The following SCFD2 variants were observed in gnomAD, a reference collection of about 807,000 sequenced individuals.
SCFD2 encodes the protein sec1 family domain containing 2.
A neutral mutation model predicts 58.9 loss-of-function variants in SCFD2; 54 were observed. That is an observed-to-expected ratio of 0.92 (90% CI 0.74 to 1.15). The LOEUF is 1.15. SCFD2 is among the 50% of genes most tolerant of loss of function. The pLI, the probability that SCFD2 is intolerant of heterozygous loss-of-function variation, is 0.00. For missense variants in SCFD2, 805 were observed against 836.6 expected, an observed-to-expected ratio of 0.96 and a Z score of 0.47; for synonymous variants, 321 against 335.9, an observed-to-expected ratio of 0.96 and a Z score of 0.49.
intron 4 of SCFD2, among the ~76,000 whole-genome samples, chr4:53,260,338 C>G (rs1388240787): frequency 6.6e-6 from 1 of 152,086 alleles, no homozygotes; most frequent in Admixed American, 6.6e-5. Context: ...CAACTTTTCC[C>G]CATTCAGTAT....
intron 2 of SCFD2, among the ~76,000 whole-genome samples, chr4:53,340,484 C>CA (rs1177301287): frequency 3.3e-5 from 5 of 152,192 alleles, no homozygotes. Context: ...GGGTGGAGCC[C>CA]ACCACAAATC....
chr4:53,147,995 A>T (rs537294176), intron 4 of SCFD2, among the ~76,000 whole-genome samples: 4 of 152,252 alleles, frequency 2.6e-5, no homozygotes, highest in Admixed American at 2.0e-4. Flanking sequence ...TGTTAAAGAA[A>T]GGTCATGAAG....
intron 4 of SCFD2, among the ~76,000 whole-genome samples, chr4:53,229,248 T>C (rs1166515691): frequency 6.6e-6 from 1 of 152,194 alleles, no homozygotes. Flanking sequence ...AATGACTTTC[T>C]ACACAGAATT....
chr4:53,105,941 A>G (rs537269743), intron 5 of SCFD2, among the ~76,000 whole-genome samples: 1 of 148,190 alleles, frequency 6.7e-6, no homozygotes, highest in African/African-American at 2.5e-5. Context: ...CTCACACAGG[A>G]GAGCTCTGGC....
chr4:52,874,832 G>A (rs1718434328), intron 8 of SCFD2, among the ~76,000 whole-genome samples: 1 of 152,172 alleles, frequency 6.6e-6, no homozygotes, highest in Admixed American at 6.6e-5. Context: ...CCTATTTCCA[G>A]TAAGGTCATA....
intron 4 of SCFD2, among the ~76,000 whole-genome samples, chr4:53,187,264 C>G (rs1013331267): frequency 3.9e-5 from 6 of 151,948 alleles, no homozygotes; most frequent in African/African-American, 1.4e-4. Context: ...ATTAAATCAG[C>G]AATATTGACA....
At chr4:53,021,685 T>A (rs1009769704) in intron 5 of SCFD2, among the ~76,000 whole-genome samples, 5 of 151,946 alleles carry the variant, frequency 3.3e-5, no homozygotes, top group African/African-American at 1.2e-4. Context: ...CTATCAGGAT[T>A]TGAAGATGTG....
chr4:52,992,038 C>A (rs374275287), intron 5 of SCFD2, among the ~76,000 whole-genome samples: 1 of 151,846 alleles, frequency 6.6e-6, no homozygotes, highest in Non-Finnish European at 1.5e-5. Context: ...TCCCTCTCCC[C>A]GCAGTCTCCC....
intron 5 of SCFD2, among the ~76,000 whole-genome samples, chr4:53,028,388 A>G (rs1722532841): frequency 6.6e-6 from 1 of 152,222 alleles, no homozygotes; most frequent in Non-Finnish European, 1.5e-5. Flanking sequence ...AAATATAAAC[A>G]TACCTTGGAA....
chr4:53,008,243 C>T (rs1722022467), intron 5 of SCFD2, among the ~76,000 whole-genome samples: 1 of 152,110 alleles, frequency 6.6e-6, no homozygotes. Flanking sequence ...CCTCTTAAAA[C>T]CTACAGCTGA....
chr4:53,002,913 A>G (rs147416899), intron 5 of SCFD2, among the ~76,000 whole-genome samples: 549 of 152,330 alleles, frequency 3.6e-3, no homozygotes, highest in African/African-American at 0.013. Context: ...AAACGGGAGC[A>G]GATATCTTAC....
At chr4:53,277,289 C>T (rs1323379624) in intron 3 of SCFD2, among the ~76,000 whole-genome samples, 4 of 152,180 alleles carry the variant, frequency 2.6e-5, no homozygotes, top group Non-Finnish European at 5.9e-5. Flanking sequence ...TATTCTCTGA[C>T]ATCTATTATA....
intron 4 of SCFD2, among the ~76,000 whole-genome samples, chr4:53,202,383 A>G (rs1172876145): frequency 6.6e-6 from 1 of 151,658 alleles, no homozygotes; most frequent in Non-Finnish European, 1.5e-5. Flanking sequence ...CCATTGGTCT[A>G]TATCTCTGTT....
At chr4:52,892,930 A>G (rs565292402) in intron 7 of SCFD2, among the ~76,000 whole-genome samples, 1 of 152,374 alleles carries the variant, frequency 6.6e-6, no homozygotes, top group East Asian at 1.9e-4. Flanking sequence ...TACAGTTCAT[A>G]CCAAAATCTA....
chr4:53,342,482 G>C (rs1341526441), intron 2 of SCFD2, among the ~76,000 whole-genome samples: 4 of 152,136 alleles, frequency 2.6e-5, no homozygotes, highest in African/African-American at 2.4e-5. Flanking sequence ...CCTACAAAGA[G>C]ACTTAGACTC....
intron 5 of SCFD2, among the ~76,000 whole-genome samples, chr4:53,062,094 G>A (rs1342820622): frequency 4.0e-5 from 6 of 151,580 alleles, no homozygotes; most frequent in Non-Finnish European, 5.9e-5. Flanking sequence ...ATAATAGGCC[G>A]GGTGTGGTGG....
chr4:53,325,174 C>A (rs1733147878), intron 2 of SCFD2, among the ~76,000 whole-genome samples: 1 of 102,326 alleles, frequency 9.8e-6, no homozygotes. Context: ...AAAATTACTA[C>A]AGATGTGTGT....
intron 4 of SCFD2, among the ~76,000 whole-genome samples, chr4:53,246,030 T>C (rs985494265): frequency 1.7e-4 from 26 of 152,208 alleles, no homozygotes; most frequent in African/African-American, 6.0e-4. Context: ...CAAAAATCAC[T>C]ATCATTCCTA....
intron 7 of SCFD2, among the ~76,000 whole-genome samples, chr4:52,891,460 A>C (rs1339869854): frequency 1.3e-5 from 2 of 152,196 alleles, no homozygotes; most frequent in Admixed American, 6.5e-5. Context: ...AAGCAGGCAG[A>C]AGCCCCATTT....
Sources: gnomAD v4.1 joint callset for allele counts (sites outside exome capture counted in the v4.1 genomes callset) on GRCh38, gnomAD v4.1.1 for gene constraint, MANE v1.5 for transcripts, NCBI Gene and HGNC (gene_info 2026-07-23, HGNC 2026-07-21) for gene names.